LRCH3: variants seen among roughly 807,000 people sequenced by gnomAD.
LRCH3 encodes the protein DISP complex protein LRCH3.
A neutral mutation model predicts 104.5 loss-of-function variants in LRCH3; 68 were observed. The ratio of observed to expected loss-of-function variants is 0.65; its 90% CI spans 0.54 to 0.80. The LOEUF (loss-of-function observed/expected upper bound fraction) is 0.80. Among genes scored for constraint, LRCH3 ranks in the 30% least tolerant of loss-of-function variants. The pLI, the probability that LRCH3 is intolerant of heterozygous loss-of-function variation, is 0.00. For missense variants in LRCH3, 951 were observed against 953.9 expected, an observed-to-expected ratio of 1.00 and a Z score of 0.04; for synonymous variants, 344 against 361.3, an observed-to-expected ratio of 0.95 and a Z score of 0.54.
chr3:197,852,873 G>A (rs1389441465), intron 13 of LRCH3, among the ~76,000 whole-genome samples: 2 of 152,042 alleles, frequency 1.3e-5, no homozygotes, highest in African/African-American at 4.8e-5. Flanking sequence ...CAGAGGCACC[G>A]TCCCCGTCTC....
At chr3:197,822,882 T>C (rs968307597) in intron 4 of LRCH3, 7 of 151,810 alleles carry the variant, frequency 4.6e-5, no homozygotes, top group Non-Finnish European at 1.0e-4. Flanking sequence ...CGATCTCAGC[T>C]TACTGCAAGC....
chr3:197,797,859 CA>C (rs749696923), intron 1 of LRCH3, among the ~76,000 whole-genome samples: 1,689 of 23,036 alleles, frequency 0.073, 32 homozygotes, highest in African/African-American at 0.12. Flanking sequence ...GACTCCATCT[CA>C]AAAAAAAAAA....
In LRCH3 at chr3:197,810,442, C is replaced by T. The variant is rs1044244084; in HGVS notation, c.263-4466C>T. ...TGCTGGGATTACAGGCATGAGCTACCGTGCCTGGCTATTTTATTTTTAAAC... is the reference window on the plus strand; with the variant it reads ...TGCTGGGATTACAGGCATGAGCTACTGTGCCTGGCTATTTTATTTTTAAAC... On this transcript the variant is annotated intron_variant, in intron 1 of 20. Transcript: ENST00000425562. This position sits in a 1 kb window ranked among gnomAD's most constrained non-coding sequence, Gnocchi z 4.0. 2.0e-5 allele frequency among the ~76,000 whole-genome samples: 3 copies of T among 152,110 alleles called. No homozygotes were observed. The highest frequency in any genetic ancestry group is 2.9e-5 in the Non-Finnish European group (2 of 68,030).
intron 10 of LRCH3, among the ~76,000 whole-genome samples, chr3:197,842,685 A>G (rs1737985329): frequency 6.6e-6 from 1 of 152,214 alleles, no homozygotes; most frequent in African/African-American, 2.4e-5. Flanking sequence ...ACATAGGGAG[A>G]TACAATAAAT....
intron 1 of LRCH3, among the ~76,000 whole-genome samples, chr3:197,808,853 G>A (rs1056874762): frequency 1.3e-5 from 2 of 151,954 alleles, no homozygotes; most frequent in African/African-American, 4.8e-5. Context: ...GCAGTGAGCT[G>A]TGATTGTGCC....
rs113307718 is a variant in LRCH3 at position 197,830,324 on chromosome 3, C to T, written c.888-446C>T. Among the ~76,000 whole-genome samples, 611 of 152,276 alleles carry T rather than the reference C, an allele frequency of 4.0e-3. 5 individuals are homozygous for T. Among genetic ancestry groups the T allele is most frequent in the African/African-American group, 0.014 (588 of 41,554 alleles). The stretch of plus-strand genomic sequence containing the variant: ...CTCAAACTCCTGAGCTCAAGCATTC[C>T]TCCCACCTCAGCCTCCTGAGTATGG... On this transcript the variant is annotated intron_variant, in intron 6 of 20. Transcript: ENST00000425562.
intron 1 of LRCH3, among the ~76,000 whole-genome samples, chr3:197,807,460 A>G (rs1732639638): frequency 6.6e-6 from 1 of 151,904 alleles, no homozygotes; most frequent in African/African-American, 2.4e-5. Flanking sequence ...TGACCCTGTG[A>G]TCCGCCCGCC....
Position 197,835,836 on chromosome 3 carries a change from T to C in LRCH3, c.1251+14T>C. ...ATCTCTCATGAGGTAGTACACAGAT[T>C]GAAGCCTAAATATGTTGCTATCCCT... On this transcript the variant is annotated intron_variant, in intron 9 of 20. Coordinates refer to ENST00000425562, the MANE Select transcript of LRCH3 (RefSeq NM_001365715.1). The C allele has an allele frequency of 6.2e-7, 1 of 1,612,388 alleles. No individual in the cohort carries two copies. Among genetic ancestry groups the C allele is most frequent in the East Asian group, 2.2e-5 (1 of 44,866 alleles).
At chr3:197,880,949 C>G in intron 20 of LRCH3, 1 of 1,388,480 alleles carries the variant, frequency 7.2e-7, no homozygotes. Flanking sequence ...CCTGGTCATC[C>G]GTCCATTCTC....
intron 2 of LRCH3, among the ~76,000 whole-genome samples, chr3:197,816,316 C>T (rs948042187): frequency 1.6e-4 from 25 of 151,890 alleles, no homozygotes; most frequent in East Asian, 3.9e-4. Context: ...GTTTTACTCT[C>T]GTTGCCCAGG....
At chr3:197,872,780 A>C (rs1232281411) in intron 19 of LRCH3, among the ~76,000 whole-genome samples, 1 of 151,986 alleles carries the variant, frequency 6.6e-6, no homozygotes, top group Non-Finnish European at 1.5e-5. Context: ...ACTTGAACCC[A>C]GGAGGCGGAG....
At chr3:197,876,498 C>A (rs1413769275) in intron 20 of LRCH3, among the ~76,000 whole-genome samples, 1 of 152,132 alleles carries the variant, frequency 6.6e-6, no homozygotes, top group African/African-American at 2.4e-5. Flanking sequence ...TTGATACAGT[C>A]TTATCCAATA....
At chr3:197,869,695 G>A in intron 17 of LRCH3, among the ~76,000 whole-genome samples, 1 of 129,968 alleles carries the variant, frequency 7.7e-6, no homozygotes, top group Non-Finnish European at 1.6e-5. Context: ...GCAGGAGGTA[G>A]AAAGCGATGC....
intron 20 of LRCH3, among the ~76,000 whole-genome samples, chr3:197,880,008 C>CT (rs1713513238): frequency 6.7e-6 from 1 of 148,460 alleles, no homozygotes; most frequent in Admixed American, 6.6e-5. Context: ...TGCGGTGGCG[C>CT]GATCTCGGCT....
At chr3:197,863,892 A>G (rs1180443713) in intron 15 of LRCH3, among the ~76,000 whole-genome samples, 1 of 152,254 alleles carries the variant, frequency 6.6e-6, no homozygotes, top group East Asian at 1.9e-4. Context: ...GAGAAATACT[A>G]TTAGAAAATA....
intron 10 of LRCH3, among the ~76,000 whole-genome samples, chr3:197,846,385 CAA>C (rs113781589): frequency 1.0e-4 from 7 of 66,756 alleles, no homozygotes; most frequent in East Asian, 3.8e-4. Flanking sequence ...CCTTGGGCCA[CAA>C]AAAAAAAAAA....
chr3:197,844,840 C>CT (rs1279104919), intron 10 of LRCH3, among the ~76,000 whole-genome samples: 1 of 151,130 alleles, frequency 6.6e-6, no homozygotes, highest in African/African-American at 2.4e-5. Context: ...AGGATGGCCT[C>CT]TTATCTCCTG....
At chr3:197,812,693 C>T (rs1415854831) in intron 1 of LRCH3, among the ~76,000 whole-genome samples, 1 of 151,882 alleles carries the variant, frequency 6.6e-6, no homozygotes, top group African/African-American at 2.4e-5. Context: ...TCCCAAGTAG[C>T]TGAGATTACA....
Position 197,856,770 on chromosome 3 carries a change from T to C in LRCH3, c.1645-2064T>C, listed in dbSNP as rs1740297480. Among the ~76,000 whole-genome samples the C allele has an allele frequency of 6.6e-6, 1 of 152,238 alleles. No individual in the cohort carries two copies. The highest frequency in any genetic ancestry group is 2.1e-4 in the South Asian group (1 of 4,834). On this transcript the variant is annotated intron_variant, in intron 14 of 20. Transcript: ENST00000425562. This position sits in a 1 kb window ranked among gnomAD's most constrained non-coding sequence, Gnocchi z 4.2. Reference sequence around the variant, plus strand: ...ACAAGGATATTCTATTTTGTCTTAATGTACCTTAATACACTCCATCCCTAC... The same window carrying C: ...ACAAGGATATTCTATTTTGTCTTAACGTACCTTAATACACTCCATCCCTAC...
Sources: allele counts gnomAD v4.1 joint callset (sites outside exome capture counted in the v4.1 genomes callset), GRCh38; gene constraint gnomAD v4.1.1; non-coding constraint Gnocchi (gnomAD v3.1); transcripts MANE v1.5; gene names NCBI Gene and HGNC (gene_info 2026-07-23, HGNC 2026-07-21).